Variants in CELF2 observed in about 807,000 individuals in gnomAD.
CELF2 encodes the protein CUG triplet repeat RNA-binding protein 2.
A neutral mutation model predicts 62.6 loss-of-function variants in CELF2; 8 were observed. The ratio of observed to expected loss-of-function variants is 0.13; its 90% CI spans 0.07 to 0.23. The LOEUF is 0.23. CELF2 is among the 10% of genes least tolerant of loss of function. The pLI is 1.00. For synonymous variants in CELF2, 258 were observed against 250.0 expected (o/e 1.03, Z -0.30); for missense variants, 333 against 671.0 (o/e 0.50, Z 5.56).
the CELF2 span, among the ~76,000 whole-genome samples, chr10:10,547,780 T>G: frequency 2.0e-5 from 3 of 151,160 alleles, no homozygotes; most frequent in African/African-American, 7.3e-5. Flanking sequence ...ACTTGATTCA[T>G]CAAATAGGTA....
At chr10:11,151,765 A>T (rs1401663981) in intron 1 of CELF2, among the ~76,000 whole-genome samples, 12 of 152,190 alleles carry the variant, frequency 7.9e-5, no homozygotes, top group Non-Finnish European at 2.9e-5. Flanking sequence ...GAAAAAAAAA[A>T]TAAGTAGATA....
the CELF2 span, among the ~76,000 whole-genome samples, chr10:10,596,055 C>G: frequency 2.6e-5 from 4 of 152,176 alleles, no homozygotes; most frequent in Non-Finnish European, 5.9e-5. Flanking sequence ...CTAGCTCACC[C>G]TTGAATTCTT....
chr10:10,483,928 CTCTCTCTCG>C, the CELF2 span, among the ~76,000 whole-genome samples: 5 of 148,060 alleles, frequency 3.4e-5, no homozygotes, highest in Admixed American at 3.3e-4. Flanking sequence ...TCTCTCTCAA[CTCTCTCTCG>C]TCTCTCTCTC....
At chr10:10,897,542 T>C (rs1234686360) in intron 1 of CELF2, among the ~76,000 whole-genome samples, 5 of 152,144 alleles carry the variant, frequency 3.3e-5, no homozygotes, top group Admixed American at 3.3e-4. Flanking sequence ...CCAGATAATA[T>C]GCTCCAGACA....
At chr10:11,099,884 C>CAAA (rs869282674) in intron 1 of CELF2, among the ~76,000 whole-genome samples, 12 of 93,508 alleles carry the variant, frequency 1.3e-4, no homozygotes, top group South Asian at 2.9e-4. Flanking sequence ...ACAACAACAA[C>CAAA]AAAAAAAAAA....
Position 11,135,082 on chromosome 10 carries a change from G to C in CELF2, c.75-30404G>C, listed in dbSNP as rs142388793. 3.9e-5 allele frequency among the ~76,000 whole-genome samples: 6 copies of C among 152,268 alleles called. No homozygotes were observed. The East Asian group carries it at 1.2e-3, about 29-fold the overall frequency. ...GTTAGGTTGACTTGATGCTCTGAGA[G>C]GCTGAGCGACACCCTGAGGAAAAAA... On this transcript the variant is annotated intron_variant, in intron 1 of 12. Coordinates refer to ENST00000633077, the MANE Select transcript of CELF2 (RefSeq NM_001326342.2).
chr10:10,988,246 GAT>G (rs976637540), intron 2 of CELF2, among the ~76,000 whole-genome samples: 2 of 149,996 alleles, frequency 1.3e-5, no homozygotes, highest in African/African-American at 4.9e-5. Flanking sequence ...TAGATATATA[GAT>G]ATACACACAT....
At chr10:10,648,607 G>A in the CELF2 span, among the ~76,000 whole-genome samples, 1 of 152,088 alleles carries the variant, frequency 6.6e-6, no homozygotes, top group Admixed American at 6.6e-5. Flanking sequence ...TTTCCTCTCG[G>A]CTCTATGTCA....
intron 2 of CELF2, chr10:11,168,862 AC>A (rs1156743246): frequency 1.3e-5 from 2 of 152,302 alleles, no homozygotes; most frequent in East Asian, 1.9e-4. Context: ...GCATGTATTG[AC>A]CAAGCAGGCT....
the CELF2 span, among the ~76,000 whole-genome samples, chr10:10,558,329 G>A: frequency 6.6e-6 from 1 of 151,420 alleles, no homozygotes; most frequent in Non-Finnish European, 1.5e-5. Context: ...TTATATGCTG[G>A]ATTACATTTA....
intron 2 of CELF2, among the ~76,000 whole-genome samples, chr10:10,991,030 C>A (rs1304285173): frequency 6.6e-6 from 1 of 151,124 alleles, no homozygotes; most frequent in Admixed American, 6.6e-5. Flanking sequence ...AGTTTTTTTC[C>A]CCCCATAAAG....
At chr10:11,081,750 T>C (rs531412800) in intron 1 of CELF2, among the ~76,000 whole-genome samples, 1 of 152,302 alleles carries the variant, frequency 6.6e-6, no homozygotes, top group East Asian at 1.9e-4. Context: ...CCCACTCTGG[T>C]AAATAAGTAT....
At position 11,046,125 on chromosome 10, in the gene CELF2, C is replaced by T. The variant is rs546305531; in HGVS notation, c.74+27962C>T. 6.6e-6 allele frequency among the ~76,000 whole-genome samples: 1 copy of T among 152,202 alleles called. No homozygotes were observed. The highest frequency in any genetic ancestry group is 1.5e-5 in the Non-Finnish European group (1 of 68,048). On this transcript the variant is annotated intron_variant, in intron 1 of 12. Coordinates refer to ENST00000633077, the MANE Select transcript of CELF2 (RefSeq NM_001326342.2). The surrounding 1 kb of genome is among the most constrained non-coding windows in gnomAD (Gnocchi z 4.6). ...CCTTCCAGCTCTGTTCTATTTGCTG[C>T]TGTTTAATGTTTTCCTGCCTCCCCA...
chr10:10,886,364 A>C (rs1284060539), intron 1 of CELF2, among the ~76,000 whole-genome samples: 6 of 152,198 alleles, frequency 3.9e-5, no homozygotes, highest in Admixed American at 6.5e-5. Flanking sequence ...TTCATAAACA[A>C]ATTTGAGCCT....
At chr10:10,468,340 T>C in the CELF2 span, among the ~76,000 whole-genome samples, 10 of 152,068 alleles carry the variant, frequency 6.6e-5, no homozygotes. Context: ...GCTTTTGCTG[T>C]AATTGGACCA....
chr10:10,721,118 T>C, the CELF2 span, among the ~76,000 whole-genome samples: 1 of 152,144 alleles, frequency 6.6e-6, no homozygotes, highest in Non-Finnish European at 1.5e-5. Context: ...ATTTTATGAG[T>C]TTTTAAAAGC....
chr10:10,849,435 A>G (rs916239123), intron 1 of CELF2, among the ~76,000 whole-genome samples: 1 of 151,956 alleles, frequency 6.6e-6, no homozygotes, highest in African/African-American at 2.4e-5. Flanking sequence ...GAAAACTGTA[A>G]GAACAATACA....
intron 1 of CELF2, among the ~76,000 whole-genome samples, chr10:10,882,496 A>G (rs2133710215): frequency 6.6e-6 from 1 of 152,362 alleles, no homozygotes; most frequent in South Asian, 2.1e-4. Flanking sequence ...TTTAATCCTC[A>G]TTCATAGCTA....
rs2061538619 is a variant in CELF2, at chr10:11,039,959, A to C, written c.74+21796A>C. 6.6e-6 allele frequency among the ~76,000 whole-genome samples: 1 copy of C among 152,182 alleles called. No individual in the cohort carries two copies. The highest frequency in any genetic ancestry group is 1.5e-5 in the Non-Finnish European group (1 of 68,044). On this transcript the variant is annotated intron_variant, in intron 1 of 12. Transcript: ENST00000633077. This position sits in a 1 kb window ranked among gnomAD's most constrained non-coding sequence, Gnocchi z 4.1. ...AACCATCCCAAGGACTGAGAGCAAA[A>C]TGTATTGATTATCTTTATGTGGACC...
Sources: gnomAD v4.1 joint callset for allele counts (sites outside exome capture counted in the v4.1 genomes callset) on GRCh38, gnomAD v4.1.1 for gene constraint, Gnocchi (gnomAD v3.1) non-coding constraint, MANE v1.5 for transcripts, NCBI Gene and HGNC (gene_info 2026-07-23, HGNC 2026-07-21) for gene names.